Variants in DNAJC12 observed in about 807,000 individuals in gnomAD.
DNAJC12 encodes the protein dnaJ homolog subfamily C member 12.
DNAJC12 carries 25 observed loss-of-function variants against 28.5 expected under a neutral mutation model. The observed-to-expected ratio is 0.88, with a 90% CI of 0.64 to 1.22. The LOEUF (loss-of-function observed/expected upper bound fraction) is 1.22. Among genes scored for constraint, DNAJC12 ranks in the 50% most tolerant of loss-of-function variants. The probability of loss-of-function intolerance (pLI) is 0.00; values close to 1 mark genes in which losing one functional copy is unlikely to be tolerated. For missense variants in DNAJC12, 222 were observed against 231.7 expected (o/e 0.96, Z 0.27); for synonymous variants, 77 against 80.6 (o/e 0.95, Z 0.24).
intron 2 of DNAJC12, among the ~76,000 whole-genome samples, chr10:67,819,252 A>G (rs985090307): frequency 1.1e-4 from 17 of 149,530 alleles, no homozygotes; most frequent in Non-Finnish European, 1.6e-4. Context: ...AGAATGGCGT[A>G]AACCCGGGAG....
intron 4 of DNAJC12, among the ~76,000 whole-genome samples, chr10:67,799,700 T>C (rs1375892913): frequency 6.6e-6 from 1 of 151,928 alleles, no homozygotes; most frequent in Non-Finnish European, 1.5e-5. Flanking sequence ...CTGACCAACA[T>C]GGTGAAACCC....
At chr10:67,808,712 T>C (rs750049026) in intron 3 of DNAJC12, 2 of 152,148 alleles carry the variant, frequency 1.3e-5, no homozygotes, top group Non-Finnish European at 2.9e-5. Context: ...AGATGAGCCA[T>C]AGATCAGCTG....
chr10:67,801,417 T>C (rs1841742981), intron 4 of DNAJC12, among the ~76,000 whole-genome samples: 1 of 152,186 alleles, frequency 6.6e-6, no homozygotes, highest in Admixed American at 6.6e-5. Flanking sequence ...GCCAATAATC[T>C]TTTAAACAGC....
In DNAJC12 at chr10:67,811,606, C is replaced by T. The variant is rs1035794099; in HGVS notation, c.215G>A (p.Arg72Gln). 3 of 1,614,168 alleles carry T rather than the reference C, an allele frequency of 1.9e-6. No individual in the cohort carries two copies. The highest frequency in any genetic ancestry group is 2.5e-6 in the Non-Finnish European group (3 of 1,180,028). The change falls in exon 3 of 5, where the codon CGA becomes CAA. Residue 72 changes from arginine (R) to glutamine (Q), a missense_variant. By Grantham distance (43) the Arg-to-Gln change is conservative (BLOSUM62 1). Transcript: ENST00000225171. ...AKEILTNEES[R>Q]ARYDHWRRSQ... ...CCTTCGCCAGTGGTCATAGCGGGCTCGACTCTCTTCATTGGTCAGAATCTC... is the reference window on the plus strand; with the variant it reads ...CCTTCGCCAGTGGTCATAGCGGGCTTGACTCTCTTCATTGGTCAGAATCTC...
Position 67,797,029 on chromosome 10 carries a change from T to A in DNAJC12, c.*87A>T, listed in dbSNP as rs1841679747. ...GCAATTCACAGACATGACATAAACA[T>A]GACATTTTTAAGACATAAACAAAGA... On this transcript the variant is annotated 3_prime_UTR_variant, in exon 5 of 5. Coordinates refer to ENST00000225171, the MANE Select transcript of DNAJC12 (RefSeq NM_021800.3). 1 of 994,068 alleles carries A rather than the reference T, an allele frequency of 1.0e-6. No homozygotes were observed. Among genetic ancestry groups the A allele is most frequent in the Admixed American group, 2.5e-5 (1 of 39,488 alleles). The allele number at this position is 994,068 out of a possible 1,614,324, so 61.6% of individuals were successfully genotyped here.
At chr10:67,806,824 CAAAA>C (rs11364394) in intron 3 of DNAJC12, among the ~76,000 whole-genome samples, 5 of 122,036 alleles carry the variant, frequency 4.1e-5, no homozygotes, top group Non-Finnish European at 5.3e-5. Context: ...GACTCGGTCT[CAAAA>C]AAAAAAAAAA....
intron 2 of DNAJC12, among the ~76,000 whole-genome samples, chr10:67,818,774 G>A (rs895045698): frequency 1.3e-5 from 2 of 151,744 alleles, no homozygotes; most frequent in African/African-American, 2.4e-5. Flanking sequence ...TCCTGTCTCA[G>A]CCTCCCAAGT....
chr10:67,815,203 G>A (rs1210735553), intron 2 of DNAJC12, among the ~76,000 whole-genome samples: 1 of 152,150 alleles, frequency 6.6e-6, no homozygotes, highest in East Asian at 1.9e-4. Context: ...CAACATGAAT[G>A]AGTCTTGAAA....
At chr10:67,821,670 TA>T (rs1165021667) in intron 2 of DNAJC12, among the ~76,000 whole-genome samples, 3 of 152,212 alleles carry the variant, frequency 2.0e-5, no homozygotes, top group African/African-American at 7.2e-5. Context: ...TTGTACATAT[TA>T]TTTTTTTCCA....
chr10:67,827,301 C>G (rs917549520), intron 1 of DNAJC12, among the ~76,000 whole-genome samples: 1 of 150,298 alleles, frequency 6.7e-6, no homozygotes, highest in Non-Finnish European at 1.5e-5. Flanking sequence ...GCAGGAGAAT[C>G]CCTTGAGCCC....
chr10:67,816,913 C>A (rs1841922214), intron 2 of DNAJC12, among the ~76,000 whole-genome samples: 1 of 152,066 alleles, frequency 6.6e-6, no homozygotes, highest in Admixed American at 6.5e-5. Flanking sequence ...TTACTGTCAC[C>A]CACACAGAGC....
chr10:67,822,262 T>C (rs1374354975), intron 2 of DNAJC12, among the ~76,000 whole-genome samples: 1 of 151,988 alleles, frequency 6.6e-6, no homozygotes, highest in Admixed American at 6.6e-5. Context: ...GAACCATGAG[T>C]GCATAGTATC....
chr10:67,811,720 C>T, intron 2 of DNAJC12, 57 bp from the exon 3 acceptor site: 2 of 1,569,100 alleles, frequency 1.3e-6, no homozygotes, highest in South Asian at 1.2e-5. Context: ...TTTTAAACTC[C>T]AAAACTATCC....
rs1447793271 is a variant in DNAJC12, at chr10:67,819,761, A to AGGGAGGGAGG, written c.157+3552_157+3553insCCTCCCTCCC. 8.7e-4 allele frequency among the ~76,000 whole-genome samples: 14 copies of AGGGAGGGAGG among 16,094 alleles called. 1 individual carries two copies. Among genetic ancestry groups the AGGGAGGGAGG allele is most frequent in the Non-Finnish European group, 2.1e-3 (14 of 6,516 alleles). 10.6% of individuals were successfully genotyped at this position (16,094 alleles called of 152,430 possible). A position where few individuals can be genotyped will look rare whatever the true frequency, so the allele number is the denominator to read the frequency against. ...AAGGAAGGAAGGAAGGAAGGAAGGA[A>AGGGAGGGAGG]GGAAGGAAGGAAGGAAGGGGAAGGA... On this transcript the variant is annotated intron_variant, in intron 2 of 4. Transcript: ENST00000225171.
intron 1 of DNAJC12, among the ~76,000 whole-genome samples, chr10:67,834,369 G>C (rs1842122672): frequency 6.6e-6 from 1 of 152,158 alleles, no homozygotes; most frequent in African/African-American, 2.4e-5. Flanking sequence ...TAAGTTCCAA[G>C]TGCACAGTAA....
In DNAJC12 at chr10:67,830,658, T is replaced by TAAA. The variant is rs58247409; in HGVS notation, c.79-7267_79-7266insTTT. On this transcript the variant is annotated intron_variant, in intron 1 of 4. Coordinates refer to ENST00000225171, the MANE Select transcript of DNAJC12 (RefSeq NM_021800.3). ...ATAAATAAATAAATAAATAAATAAA[T>TAAA]TTTTTGATACTTAATATGTGCCAGG... 2.6e-5 allele frequency among the ~76,000 whole-genome samples: 4 copies of TAAA among 151,220 alleles called. No individual in the cohort carries two copies. The East Asian group carries it at 7.7e-4, about 29-fold the overall frequency.
intron 1 of DNAJC12, among the ~76,000 whole-genome samples, chr10:67,828,428 G>A (rs1457826926): frequency 6.6e-6 from 1 of 152,028 alleles, no homozygotes; most frequent in African/African-American, 2.4e-5. Context: ...GTATTAGATA[G>A]GCATATGTAT....
chr10:67,806,603 C>T (rs1249417587), intron 3 of DNAJC12, among the ~76,000 whole-genome samples: 1 of 152,098 alleles, frequency 6.6e-6, no homozygotes, highest in Non-Finnish European at 1.5e-5. Context: ...GTGGGTGGAT[C>T]ATTTGAGGCA....
chr10:67,832,951 T>C (rs1167087343), intron 1 of DNAJC12, among the ~76,000 whole-genome samples: 6 of 152,174 alleles, frequency 3.9e-5, no homozygotes. Flanking sequence ...GAGGAGTTCT[T>C]TCCAAAAATG....
Sources: gnomAD v4.1 joint callset for allele counts (sites outside exome capture counted in the v4.1 genomes callset) on GRCh38, gnomAD v4.1.1 for gene constraint, MANE v1.5 for transcripts, NCBI Gene and HGNC (gene_info 2026-07-23, HGNC 2026-07-21) for gene names.